Variants in SLC4A5 observed in about 807,000 individuals in gnomAD.
SLC4A5 encodes the protein electrogenic sodium bicarbonate cotransporter 4.
Under a neutral mutation model 120.4 loss-of-function variants are expected in SLC4A5, and 96 were observed. The ratio of observed to expected loss-of-function variants is 0.80; its 90% CI spans 0.68 to 0.94. The LOEUF (loss-of-function observed/expected upper bound fraction) is 0.94. Ranked by LOEUF, SLC4A5 falls within the 40% of genes least tolerant of loss-of-function variation. The pLI, the probability that SLC4A5 is intolerant of heterozygous loss-of-function variation, is 0.00. For missense variants in SLC4A5, 1,259 were observed against 1,459.5 expected (o/e 0.86, Z 2.24); for synonymous variants, 550 against 571.1 (o/e 0.96, Z 0.53).
intron 21 of SLC4A5, among the ~76,000 whole-genome samples, chr2:74,237,052 C>T (rs990495375): frequency 1.3e-5 from 2 of 151,112 alleles, no homozygotes; most frequent in Non-Finnish European, 2.9e-5. Context: ...TCTTTGCTCA[C>T]GGCAAGCTCT....
chr2:74,284,169 T>C (rs1402178281), intron 8 of SLC4A5, among the ~76,000 whole-genome samples: 1 of 65,958 alleles, frequency 1.5e-5, no homozygotes, highest in Non-Finnish European at 2.3e-5. Flanking sequence ...TTTCTTTTTT[T>C]TTTTTTTTTT....
At chr2:74,223,004 TTTC>T (rs2103874086) in intron 28 of SLC4A5, 52 bp from the exon 29 acceptor site, 3 of 1,303,202 alleles carry the variant, frequency 2.3e-6, no homozygotes, top group African/African-American at 1.5e-5. Flanking sequence ...ACAATTTGGC[TTTC>T]TTTTTTTTTT....
intron 7 of SLC4A5, chr2:74,290,499 G>A (rs895432542): frequency 7.1e-6 from 7 of 985,002 alleles, no homozygotes; most frequent in Non-Finnish European, 8.4e-6. Context: ...TATATGTAGA[G>A]AGAATATAGG....
At chr2:74,269,002 G>A (rs1050169199) in intron 8 of SLC4A5, among the ~76,000 whole-genome samples, 3 of 152,230 alleles carry the variant, frequency 2.0e-5, no homozygotes, top group Admixed American at 2.0e-4. Flanking sequence ...ATTAGAGAAG[G>A]ACTGGGAGGT....
intron 11 of SLC4A5, among the ~76,000 whole-genome samples, chr2:74,261,390 T>G (rs887262153): frequency 6.6e-6 from 1 of 152,228 alleles, no homozygotes; most frequent in Non-Finnish European, 1.5e-5. Context: ...AAATGCCTGC[T>G]GTGCCCAAGG....
chr2:74,274,054 A>G (rs1671561555), intron 8 of SLC4A5, among the ~76,000 whole-genome samples: 1 of 152,110 alleles, frequency 6.6e-6, no homozygotes, highest in African/African-American at 2.4e-5. Flanking sequence ...AATCCCAGCT[A>G]CTCCCAGCCA....
intron 24 of SLC4A5, 93 bp downstream of exon 24, chr2:74,232,376 T>A (rs1670118185): frequency 6.8e-7 from 1 of 1,467,306 alleles, no homozygotes. Flanking sequence ...GGGCCCTTTT[T>A]GTCCAAATCC....
chr2:74,223,086 C>A (rs1694714150), intron 28 of SLC4A5, 134 bp from the exon 29 acceptor site: 1 of 526,610 alleles, frequency 1.9e-6, no homozygotes, highest in South Asian at 2.1e-5. Flanking sequence ...CTCACTGTAA[C>A]CTCTGCCTCC....
intron 7 of SLC4A5, chr2:74,290,753 C>T (rs568384803): frequency 8.1e-6 from 8 of 985,718 alleles, no homozygotes; most frequent in Middle Eastern, 5.1e-4. Flanking sequence ...AGCAGGAAGC[C>T]GGGTCTCCAC....
chr2:74,319,743 C>A (rs913280003), intron 5 of SLC4A5, among the ~76,000 whole-genome samples: 4 of 152,158 alleles, frequency 2.6e-5, no homozygotes, highest in African/African-American at 9.7e-5. Context: ...CACCCCTAAC[C>A]TCTTTGAGAT....
chr2:74,329,668 G>T (rs1300274867), intron 4 of SLC4A5, among the ~76,000 whole-genome samples: 3 of 151,372 alleles, frequency 2.0e-5, no homozygotes. Context: ...GGTGTGAGGT[G>T]TAGACAGAGA....
At chr2:74,297,593 A>G (rs1672370824) in intron 7 of SLC4A5, among the ~76,000 whole-genome samples, 1 of 152,206 alleles carries the variant, frequency 6.6e-6, no homozygotes, top group African/African-American at 2.4e-5. Flanking sequence ...CCACATTTCT[A>G]AAGCTGCTTC....
rs370202931 is a variant in SLC4A5 at position 74,226,720 on chromosome 2, G to C, written c.3090+237C>G. Among the ~76,000 whole-genome samples the C allele has an allele frequency of 6.6e-5, 10 of 152,114 alleles. No homozygotes were observed. In the East Asian group the frequency reaches 7.8e-4, roughly 12 times the overall value. ...AGCCAGGAGGTAGGGTGGCTCCTGG[G>C]TTCTCACTGAGCGGCTCTGACATTC... On this transcript the variant is annotated intron_variant, in intron 27 of 30. Coordinates refer to ENST00000394019, the Ensembl canonical transcript of SLC4A5.
At chr2:74,268,726 T>G (rs957058710) in intron 8 of SLC4A5, among the ~76,000 whole-genome samples, 1 of 152,242 alleles carries the variant, frequency 6.6e-6, no homozygotes, top group Non-Finnish European at 1.5e-5. Context: ...AGATCTTACA[T>G]TTCCCTAAAG....
chr2:74,229,103 G>A (rs936287210), intron 25 of SLC4A5, among the ~76,000 whole-genome samples: 6 of 2,582 alleles, frequency 2.3e-3, no homozygotes, highest in South Asian at 0.028. Context: ...TTAGATTTGA[G>A]CTTTTTTTTT....
chr2:74,301,712 A>G (rs1381483349), intron 7 of SLC4A5, among the ~76,000 whole-genome samples: 1 of 152,204 alleles, frequency 6.6e-6, no homozygotes, highest in African/African-American at 2.4e-5. Context: ...TTATATCTGT[A>G]TCACACATAC....
At chr2:74,252,922 G>T in intron 15 of SLC4A5, 52 bp downstream of exon 15, 2 of 1,589,768 alleles carry the variant, frequency 1.3e-6, no homozygotes, top group South Asian at 1.1e-5. Flanking sequence ...AAATGATACC[G>T]ACAGAGTTGA....
chr2:74,302,698 G>C (rs1394487281), intron 7 of SLC4A5, among the ~76,000 whole-genome samples: 1 of 152,164 alleles, frequency 6.6e-6, no homozygotes, highest in Non-Finnish European at 1.5e-5. Context: ...AACTGAACAA[G>C]ACACCACCAA....
chr2:74,239,501 G>C, exon 21 of SLC4A5: 4 of 1,614,028 alleles, frequency 2.5e-6, no homozygotes, highest in Middle Eastern at 3.3e-4. Flanking sequence ...GCTCAGCAGG[G>C]ACCAGTCCAA....
Sources: gnomAD v4.1 joint callset for allele counts (sites outside exome capture counted in the v4.1 genomes callset) on GRCh38, gnomAD v4.1.1 for gene constraint, MANE v1.5 for transcripts, NCBI Gene and HGNC (gene_info 2026-07-23, HGNC 2026-07-21) for gene names.